The following TBL2 variants were observed in gnomAD, a reference collection of about 807,000 sequenced individuals.
The protein encoded by TBL2 is transducin beta like 2, also known as transducin beta-like protein 2.
A neutral mutation model predicts 41.8 loss-of-function variants in TBL2; 33 were observed. The observed-to-expected ratio is 0.79, with a 90% confidence interval of 0.60 to 1.06. The LOEUF is 1.06. TBL2 is among the 50% of genes least tolerant of loss of function. The probability of loss-of-function intolerance (pLI) is 0.00; values close to 1 mark genes in which losing one functional copy is unlikely to be tolerated. For missense variants in TBL2, 522 were observed against 603.8 expected (o/e 0.86, Z 1.42); for synonymous variants, 239 against 241.7 (o/e 0.99, Z 0.10).
At chr7:73,574,285 C>T in intron 2 of TBL2, 98 bp downstream of exon 2, 2 of 1,553,702 alleles carry the variant, frequency 1.3e-6, no homozygotes, top group South Asian at 2.4e-5. Flanking sequence ...TGATTCTGAT[C>T]AGAGGCAGGA....
rs782074044 is a variant in TBL2, at chr7:73,574,055, T to C, written c.329A>G (p.Asp110Gly). 5 of 1,614,192 alleles carry C rather than the reference T, an allele frequency of 3.1e-6. No homozygotes were observed. The South Asian group carries it at 4.4e-5, about 14-fold the overall frequency. The change falls in exon 3 of 7, where the codon GAT becomes GGT. Residue 110 changes from aspartate to glycine, a missense_variant. Asp to Gly is a moderately conservative substitution (Grantham distance 94). Transcript: ENST00000305632. ...SNGKYLATCA[D>G]DRTIRIWSTK... ...GCTCCAGATGCGGATGGTGCGATCATCTGCACAGGTAGCCAGGTATTTGCC... is the reference window on the plus strand; with the variant it reads ...GCTCCAGATGCGGATGGTGCGATCACCTGCACAGGTAGCCAGGTATTTGCC...
rs782695890 is a variant in TBL2, at chr7:73,574,097, A to G, written c.287T>C (p.Met96Thr). The G allele has an allele frequency of 6.2e-7, 1 of 1,614,162 alleles. No individual in the cohort carries two copies. The change falls in exon 3 of 7, where the codon ATG becomes ACG. Residue 96 changes from methionine to threonine, a missense_variant. Met to Thr is a moderately conservative substitution (Grantham distance 81). Transcript: ENST00000305632. ...GTATTTGCCATTGCTGCTAAAGTCC[A>G]TGCAAGATATGTTCCCGCTGTGGCT... The part of the protein sequence containing the change: ...LKSHSGNISC[M>T]DFSSNGKYLA...
Position 73,578,525 on chromosome 7 carries a change from G to A in TBL2, c.25C>T (p.Leu9Phe), listed in dbSNP as rs902035681. ...CCAAGCAACACCGACAGCCCCATGA[G>A]CTCCGACATCTGCGAGAGCTCCATG... MELSQMSELMGLSVLLGLL... is the reference protein window; with the variant it reads MELSQMSEFMGLSVLLGLL... The change falls in exon 1 of 7, where the codon CTC (leucine) becomes TTC (phenylalanine). Residue 9 changes from leucine (L) to phenylalanine (F), a missense_variant. Coordinates refer to ENST00000305632, the MANE Select transcript of TBL2 (RefSeq NM_012453.4). 3 of 1,593,536 alleles carry A rather than the reference G, an allele frequency of 1.9e-6. No homozygotes were observed. The highest frequency in any genetic ancestry group is 2.6e-6 in the Non-Finnish European group (3 of 1,171,856).
At chr7:73,573,506 T>C in intron 3 of TBL2, 35 bp from the exon 4 acceptor site, 1 of 1,612,512 alleles carries the variant, frequency 6.2e-7, no homozygotes, top group Non-Finnish European at 8.5e-7. Flanking sequence ...ACGCTCTCAC[T>C]GGACAAAGAG....
chr7:73,573,346 A>G lies in TBL2; in HGVS notation c.572T>C (p.Val191Ala). 1 of 1,614,196 alleles carries G rather than the reference A, an allele frequency of 6.2e-7. No individual in the cohort carries two copies. Among genetic ancestry groups the G allele is most frequent in the South Asian group, 1.1e-5 (1 of 91,088 alleles). ...TGTGTTAGCAATGCCAATGTCGATG[A>G]CAGGCGCCTTGTGCTTTTTAGGGAA... is the stretch of plus-strand genomic sequence containing the variant. ...EDFPKKHKAP[V>A]IDIGIANTGK... is the part of the protein sequence containing the mutation. The change falls in exon 4 of 7, where the codon GTC becomes GCC. Residue 191 changes from valine (V) to alanine (A), a missense_variant. Coordinates refer to ENST00000305632, the MANE Select transcript of TBL2 (RefSeq NM_012453.4).
chr7:73,569,287 A>G lies in TBL2; in HGVS notation c.*1220T>C, dbSNP rs1406185827. On this transcript the variant is annotated 3_prime_UTR_variant, in exon 7 of 7. Coordinates refer to ENST00000305632, the MANE Select transcript of TBL2 (RefSeq NM_012453.4). ...GATAATGAATGGGGAGTCATCAAGG[A>G]TAACTCCACGGTTGTGGCTTGTTCC... is the stretch of plus-strand genomic sequence containing the variant. The G allele has an allele frequency of 6.6e-6, 1 of 152,182 alleles. No individual in the cohort carries two copies. The highest frequency in any genetic ancestry group is 1.5e-5 in the Non-Finnish European group (1 of 68,048). 9.4% of individuals were successfully genotyped at this position (152,182 alleles called of 1,614,324 possible). A position where few individuals can be genotyped will look rare whatever the true frequency, so the allele number is the denominator to read the frequency against.
intron 1 of TBL2, among the ~76,000 whole-genome samples, chr7:73,575,544 C>T (rs1289951059): frequency 6.6e-6 from 1 of 152,148 alleles, no homozygotes; most frequent in Non-Finnish European, 1.5e-5. Context: ...CCACCCGCCT[C>T]GGCCTCCCAA....
rs1418982983 is a variant in TBL2, at chr7:73,574,635, G to A, written c.131-122C>T. 1.4e-5 allele frequency: 20 copies of A among 1,403,308 alleles called. No homozygotes were observed. The South Asian group carries it at 2.1e-4, about 15-fold the overall frequency. 86.9% of individuals were successfully genotyped at this position (1,403,308 alleles called of 1,614,324 possible). ...TAACCAGATATGGCCCTTGTCTTCT[G>A]GAGGAGAATGAGTGTGATATGGGCA... On this transcript the variant is annotated intron_variant, in intron 1 of 6. Transcript: ENST00000305632.
Position 73,573,992 on chromosome 7 carries a change from C to T in TBL2, c.392G>A (p.Arg131Lys). ...DFLQREHRSM[R>K]ANVELDHATL... Reference sequence around the variant, plus strand: ...GGCGTGGTCCAGCTCCACGTTGGCTCTCATGCTGCGGTGCTCTCGCTGCAG... The same window carrying T: ...GGCGTGGTCCAGCTCCACGTTGGCTTTCATGCTGCGGTGCTCTCGCTGCAG... Residue 131 changes from arginine (R) to lysine (K), a missense_variant, in exon 3 of 7, where the codon AGA becomes AAA. Transcript: ENST00000305632. The T allele has an allele frequency of 6.2e-7, 1 of 1,614,196 alleles. No homozygotes were observed. The highest frequency in any genetic ancestry group is 8.5e-7 in the Non-Finnish European group (1 of 1,180,052).
Position 73,573,291 on chromosome 7 carries a change from G to A in TBL2, c.598+29C>T, listed in dbSNP as rs782002015. 7 of 1,611,786 alleles carry A rather than the reference G, an allele frequency of 4.3e-6. No individual in the cohort carries two copies. The East Asian group carries it at 1.6e-4, about 36-fold the overall frequency. On this transcript the variant is annotated intron_variant, in intron 4 of 6. Coordinates refer to ENST00000305632, the MANE Select transcript of TBL2 (RefSeq NM_012453.4). ...ACTGGATCTTTCCTTCATGCTTTGG[G>A]CAGGCGCCACCCTCTGAATGCCTCT...
At chr7:73,572,422 C>A (rs147032122) in intron 5 of TBL2, among the ~76,000 whole-genome samples, 1 of 152,302 alleles carries the variant, frequency 6.6e-6, no homozygotes, top group African/African-American at 2.4e-5. Context: ...GCACTCCTGC[C>A]TGGGCGAGGG....
intron 5 of TBL2, 96 bp downstream of exon 5, chr7:73,572,748 G>C: frequency 1.3e-6 from 2 of 1,566,382 alleles, no homozygotes; most frequent in Admixed American, 1.7e-5. Flanking sequence ...CACCCCGTAT[G>C]CTCTTCCCAC....
rs781901435 is a variant in TBL2, at chr7:73,570,768, C to A, written c.1083G>T (p.Arg361=). 63 of 1,614,084 alleles carry A rather than the reference C, an allele frequency of 3.9e-5. No homozygotes were observed. The highest frequency in any genetic ancestry group is 5.3e-5 in the Non-Finnish European group (62 of 1,180,056). ...GSSIHLYNTR[R]GEKEECFERV... ...GCTCAAAGCACTCCTCCTTCTCGCCCCGCCGGGTATTGTAGAGATGAATAC... is the reference window on the plus strand; with the variant it reads ...GCTCAAAGCACTCCTCCTTCTCGCCACGCCGGGTATTGTAGAGATGAATAC... The change falls in exon 7 of 7, where the codon CGG becomes CGT. Residue 361 remains arginine (R), a synonymous_variant. Coordinates refer to ENST00000305632, the MANE Select transcript of TBL2 (RefSeq NM_012453.4).
At chr7:73,573,766 C>T in intron 3 of TBL2, 172 bp downstream of exon 3, 1 of 839,626 alleles carries the variant, frequency 1.2e-6, no homozygotes, top group Non-Finnish European at 1.8e-6. Flanking sequence ...GTATAGCAGC[C>T]CAGATCTCCA....
chr7:73,571,690 A>C (rs1450659027), intron 5 of TBL2: 2 of 247,070 alleles, frequency 8.1e-6, no homozygotes, highest in Non-Finnish European at 1.6e-5. Context: ...TGGTAGGTGG[A>C]GGTTGCAGTG....
intron 4 of TBL2, 67 bp from the exon 5 acceptor site, chr7:73,573,037 C>T (rs1356783928): frequency 2.5e-6 from 4 of 1,602,610 alleles, no homozygotes; most frequent in Non-Finnish European, 3.4e-6. Context: ...TCCAAAGACA[C>T]TTACAAGGCC....
chr7:73,570,979 C>T lies in TBL2; in HGVS notation c.879-7G>A, dbSNP rs374610840. Reference sequence around the variant, plus strand: ...CTTGGAGACAGAAGCCATCCTGCAACACAGAAAATCACAGCTCAAGCCCCA... The same window carrying T: ...CTTGGAGACAGAAGCCATCCTGCAATACAGAAAATCACAGCTCAAGCCCCA... On this transcript the variant is annotated splice_polypyrimidine_tract_variant and splice_region_variant and intron_variant, in intron 6 of 6. Transcript: ENST00000305632. 70 of 1,588,160 alleles carry T rather than the reference C, an allele frequency of 4.4e-5. No homozygotes were observed. The highest frequency in any genetic ancestry group is 6.9e-5 in the Admixed American group (4 of 57,952).
At position 73,576,472 on chromosome 7, in the gene TBL2, A is replaced by G. The variant is rs1484190839; in HGVS notation, c.130+1948T>C. 2.2e-5 allele frequency: 8 copies of G among 368,748 alleles called. No individual in the cohort carries two copies. In the Admixed American group the frequency reaches 2.6e-4, roughly 12 times the overall value. The allele number at this position is 368,748 out of a possible 1,614,324, so 22.8% of individuals were successfully genotyped here. On this transcript the variant is annotated intron_variant, in intron 1 of 6. Transcript: ENST00000305632. ...TCCCAGCTACTCAGGAGGCTGAGGC[A>G]GGAGAATCACTTGAACCCAGGAGGT...
chr7:73,573,365 T>C lies in TBL2; in HGVS notation c.553A>G (p.Lys185Glu), dbSNP rs1584029528. ...TFTATPEDFP[K>E]KHKAPVIDIG... ...TCGATGACAGGCGCCTTGTGCTTTT[T>C]AGGGAAGTCCTCTGGGGTGGCTGTG... is the stretch of plus-strand genomic sequence containing the variant. Residue 185 changes from lysine to glutamate, a missense_variant, in exon 4 of 7, where the codon AAA (lysine) becomes GAA (glutamate). Lys to Glu is a moderately conservative substitution (Grantham distance 56, BLOSUM62 1). Transcript: ENST00000305632. 1 of 1,614,204 alleles carries C rather than the reference T, an allele frequency of 6.2e-7. No homozygotes were observed. Among genetic ancestry groups the C allele is most frequent in the East Asian group, 2.2e-5 (1 of 44,888 alleles).
Sources: allele counts gnomAD v4.1 joint callset (sites outside exome capture counted in the v4.1 genomes callset), GRCh38; gene constraint gnomAD v4.1.1; transcripts MANE v1.5; gene names NCBI Gene and HGNC (gene_info 2026-07-23, HGNC 2026-07-21).